Variants in NKAIN2 observed in about 807,000 individuals in gnomAD.
NKAIN2 encodes the protein sodium/potassium transporting ATPase interacting 2.
A neutral mutation model predicts 32.6 loss-of-function variants in NKAIN2; 14 were observed. That is an observed-to-expected ratio of 0.43 (90% CI 0.28 to 0.67). The LOEUF is 0.67. NKAIN2 is among the 30% of genes least tolerant of loss of function. The probability of loss-of-function intolerance (pLI) is 0.17; values close to 1 mark genes in which losing one functional copy is unlikely to be tolerated. For missense variants in NKAIN2, 198 were observed against 258.3 expected (o/e 0.77, Z 1.60); for synonymous variants, 80 against 87.2 (o/e 0.92, Z 0.46).
intron 4 of NKAIN2, among the ~76,000 whole-genome samples, chr6:124,739,762 A>G (rs1032016193): frequency 7.9e-5 from 12 of 151,940 alleles, no homozygotes; most frequent in Non-Finnish European, 2.9e-5. Context: ...TGCCTAGGCC[A>G]GCAGAAATAC....
intron 3 of NKAIN2, among the ~76,000 whole-genome samples, chr6:124,466,757 A>C (rs920197307): frequency 2.6e-5 from 4 of 152,060 alleles, no homozygotes; most frequent in Admixed American, 6.6e-5. Flanking sequence ...AAAGAAAAAA[A>C]AAAAAAGAAA....
At chr6:124,613,332 T>TAATC (rs368722410) in intron 3 of NKAIN2, among the ~76,000 whole-genome samples, 716 of 152,288 alleles carry the variant, frequency 4.7e-3, no homozygotes, top group Middle Eastern at 0.041. Flanking sequence ...CTTCCGACCA[T>TAATC]AATCTAGCCT....
chr6:124,144,314 G>C (rs1582730762), intron 1 of NKAIN2, among the ~76,000 whole-genome samples: 1 of 152,156 alleles, frequency 6.6e-6, no homozygotes, highest in African/African-American at 2.4e-5. Context: ...TCGGACTTCA[G>C]AGACCAAATC....
intron 3 of NKAIN2, among the ~76,000 whole-genome samples, chr6:124,388,561 CA>C (rs1289287436): frequency 6.6e-6 from 1 of 152,050 alleles, no homozygotes; most frequent in Non-Finnish European, 1.5e-5. Flanking sequence ...ATTTGTAATG[CA>C]GACCTCCTAC....
intron 1 of NKAIN2, among the ~76,000 whole-genome samples, chr6:124,074,606 T>C (rs1031970108): frequency 6.6e-6 from 1 of 152,174 alleles, no homozygotes; most frequent in African/African-American, 2.4e-5. Flanking sequence ...CCAGGGTAAG[T>C]GCTTCTCTGG....
At chr6:124,790,267 C>T (rs1779689322) in intron 4 of NKAIN2, among the ~76,000 whole-genome samples, 1 of 151,970 alleles carries the variant, frequency 6.6e-6, no homozygotes, top group Non-Finnish European at 1.5e-5. Context: ...TAAAATGTTC[C>T]ACTCACATCC....
intron 1 of NKAIN2, among the ~76,000 whole-genome samples, chr6:123,881,028 T>A (rs933426248): frequency 1.3e-5 from 2 of 152,094 alleles, no homozygotes; most frequent in Non-Finnish European, 2.9e-5. Flanking sequence ...CCACAAATGG[T>A]GTACTGAGTT....
chr6:124,120,197 T>G (rs1371662807), intron 1 of NKAIN2, among the ~76,000 whole-genome samples: 1 of 152,188 alleles, frequency 6.6e-6, no homozygotes, highest in Non-Finnish European at 1.5e-5. Context: ...TTTTAAAAAT[T>G]TTATTTTAAT....
intron 3 of NKAIN2, among the ~76,000 whole-genome samples, chr6:124,516,803 A>G (rs959227889): frequency 1.3e-5 from 2 of 152,182 alleles, no homozygotes; most frequent in Non-Finnish European, 2.9e-5. Flanking sequence ...AAACTGAGTC[A>G]CCTTCACTTC....
chr6:123,886,655 C>T (rs1773729387), intron 1 of NKAIN2, among the ~76,000 whole-genome samples: 1 of 151,904 alleles, frequency 6.6e-6, no homozygotes, highest in South Asian at 2.1e-4. Flanking sequence ...AACATGTTAA[C>T]GGAAAGGGGA....
At position 124,484,829 on chromosome 6, in the gene NKAIN2, G is replaced by A. The variant is rs530608383; in HGVS notation, c.273+129482G>A. Among the ~76,000 whole-genome samples the A allele has an allele frequency of 3.4e-4, 52 of 152,278 alleles. 1 individual carries two copies. In the South Asian group the frequency reaches 0.011, roughly 32 times the overall value. On this transcript the variant is annotated intron_variant, in intron 3 of 6. Transcript: ENST00000368417. ...TGCATGCATAAATATATACATGCAT[G>A]TGTGTATGTCCTGTTGGGGGTGCAG...
chr6:124,409,246 G>A lies in NKAIN2; in HGVS notation c.273+53899G>A, dbSNP rs568779634. Among the ~76,000 whole-genome samples, 6 of 152,252 alleles carry A rather than the reference G, an allele frequency of 3.9e-5. No individual in the cohort carries two copies. The East Asian group carries it at 5.8e-4, about 15-fold the overall frequency. ...CAACACTATGTTGAATAGGAGTGGC[G>A]AGAGAGGGCATCCCTGTCTTGTGCC... On this transcript the variant is annotated intron_variant, in intron 3 of 6. Transcript: ENST00000368417.
chr6:124,521,667 C>T (rs536234053), intron 3 of NKAIN2, among the ~76,000 whole-genome samples: 5 of 152,090 alleles, frequency 3.3e-5, no homozygotes, highest in Non-Finnish European at 4.4e-5. Flanking sequence ...CAAGAATAAT[C>T]GATTCTTTTC....
At chr6:123,920,747 C>A (rs560132992) in intron 1 of NKAIN2, among the ~76,000 whole-genome samples, 13 of 152,274 alleles carry the variant, frequency 8.5e-5, no homozygotes, top group African/African-American at 3.1e-4. Flanking sequence ...ATTTTGACTT[C>A]ATTGGCCCTC....
At chr6:124,453,355 A>ACACATG (rs1554210276) in intron 3 of NKAIN2, among the ~76,000 whole-genome samples, 4 of 136,676 alleles carry the variant, frequency 2.9e-5, no homozygotes, top group South Asian at 4.9e-4. Flanking sequence ...ACACACACAC[A>ACACATG]CACACACACA....
intron 4 of NKAIN2, among the ~76,000 whole-genome samples, chr6:124,705,588 T>C (rs1167138124): frequency 1.3e-5 from 2 of 152,086 alleles, no homozygotes; most frequent in Admixed American, 1.3e-4. Context: ...ATGGTTGAGA[T>C]GTTATCAGTA....
At chr6:124,722,618 C>T (rs1562345490) in intron 4 of NKAIN2, among the ~76,000 whole-genome samples, 1 of 152,134 alleles carries the variant, frequency 6.6e-6, no homozygotes, top group Non-Finnish European at 1.5e-5. Flanking sequence ...GCCACTGATC[C>T]AACAGGAGGC....
intron 4 of NKAIN2, among the ~76,000 whole-genome samples, chr6:124,725,747 G>C (rs565885485): frequency 6.6e-6 from 1 of 152,218 alleles, no homozygotes; most frequent in Admixed American, 6.5e-5. Context: ...ACAGCTCCCA[G>C]TGTGAGCGAC....
At chr6:123,917,106 T>G (rs1352405899) in intron 1 of NKAIN2, among the ~76,000 whole-genome samples, 1 of 152,144 alleles carries the variant, frequency 6.6e-6, no homozygotes, top group Non-Finnish European at 1.5e-5. Context: ...GACTTTCAAG[T>G]CCATCATTTT....
Sources: allele counts gnomAD v4.1 joint callset (sites outside exome capture counted in the v4.1 genomes callset), GRCh38; gene constraint gnomAD v4.1.1; transcripts MANE v1.5; gene names NCBI Gene and HGNC (gene_info 2026-07-23, HGNC 2026-07-21).